Variants in THBS3 observed in about 807,000 individuals in gnomAD.
THBS3 encodes the protein thrombospondin 3.
A neutral mutation model predicts 118.3 loss-of-function variants in THBS3; 78 were observed. The ratio of observed to expected loss-of-function variants is 0.66; its 90% confidence interval spans 0.55 to 0.80. The LOEUF (loss-of-function observed/expected upper bound fraction) is 0.80. Ranked by LOEUF, THBS3 falls within the 30% of genes least tolerant of loss-of-function variation. The pLI, the probability that THBS3 is intolerant of heterozygous loss-of-function variation, is 0.00. For synonymous variants in THBS3, 427 were observed against 475.3 expected (o/e 0.90, Z 1.32); for missense variants, 1,057 against 1,247.4 (o/e 0.85, Z 2.30).
At chr1:155,207,287 G>A (rs1670694391) in intron 1 of THBS3, among the ~76,000 whole-genome samples, 1 of 152,184 alleles carries the variant, frequency 6.6e-6, no homozygotes, top group Non-Finnish European at 1.5e-5. Flanking sequence ...CCAATCTGTG[G>A]TTTTCCCTCC....
rs757853564 is a variant in THBS3, at chr1:155,202,854, AG to A, written c.914del (p.Pro305LeufsTer181). On this transcript the variant is annotated frameshift_variant, in exon 8 of 23. Coordinates refer to ENST00000368378, the MANE Select transcript of THBS3 (RefSeq NM_007112.5). LOFTEE classifies it high-confidence loss of function. This position sits in a 1 kb window ranked among gnomAD's most constrained non-coding sequence, Gnocchi z 5.5. The stretch of plus-strand genomic sequence containing the variant: ...AGTGGGTGCCGTTGCCCTGCAGGCC[AG>A]GGGGGCAGGGCCCACAGCGGTAGCC... Reference protein sequence around the residue: ...YPGYRCGPCPPGLQGNGTHCS... With the variant: ...YPGYRCGPCPXGLQGNGTHCS... The A allele has an allele frequency of 1.2e-6, 2 of 1,613,552 alleles. No homozygotes were observed. The highest frequency in any genetic ancestry group is 4.5e-5 in the East Asian group (2 of 44,886).
chr1:155,207,014 A>G (rs1042173650), intron 1 of THBS3, among the ~76,000 whole-genome samples: 1 of 152,076 alleles, frequency 6.6e-6, no homozygotes, highest in Non-Finnish European at 1.5e-5. Flanking sequence ...AGATGCCCCC[A>G]CCAGGTGGCG....
In THBS3 at chr1:155,206,345, C is replaced by T. The variant is rs1670537267; in HGVS notation, c.141G>A (p.Arg47=). 2 of 1,614,108 alleles carry T rather than the reference C, an allele frequency of 1.2e-6. No homozygotes were observed. Among genetic ancestry groups the T allele is most frequent in the Non-Finnish European group, 1.7e-6 (2 of 1,179,980 alleles). The change falls in exon 2 of 23, where the codon CGG becomes CGA. Residue 47 remains arginine, a synonymous_variant. Coordinates refer to ENST00000368378, the MANE Select transcript of THBS3 (RefSeq NM_007112.5). The surrounding 1 kb of genome is among the most constrained non-coding windows in gnomAD (Gnocchi z 4.2). ...RQMVAVAEKI[R]TALLTAGDIY... The stretch of plus-strand genomic sequence containing the variant: ...TGTCCCCAGCAGTGAGCAAGGCTGT[C>T]CGGATCTTCTCTGCCACAGCTACCA...
At position 155,202,907 on chromosome 1, in the gene THBS3, C is replaced by T; in HGVS notation, c.862G>A (p.Asp288Asn). The T allele has an allele frequency of 6.2e-7, 1 of 1,613,948 alleles. No individual in the cohort carries two copies. Among genetic ancestry groups the T allele is most frequent in the Non-Finnish European group, 8.5e-7 (1 of 1,180,038 alleles). Residue 288 changes from aspartate (D) to asparagine (N), a missense_variant, in exon 8 of 23, where the codon GAC becomes AAC. Around this residue, in one of 3 missense-constraint regions of THBS3, gnomAD observed 544 missense variants for 715.6 expected, o/e 0.76. Transcript: ENST00000368378. This position sits in a 1 kb window ranked among gnomAD's most constrained non-coding sequence, Gnocchi z 5.5. ...GGGTACTCGTACACTTCCATGCAGT[C>T]CACACCTCGGAAGCAGGGATTGGGG... is the stretch of plus-strand genomic sequence containing the variant. ...CSPNPCFRGV[D>N]CMEVYEYPGY...
chr1:155,203,161 A>T (rs370782542), intron 6 of THBS3, 24 bp from the exon 7 acceptor site: 9 of 1,614,110 alleles, frequency 5.6e-6, no homozygotes, highest in Non-Finnish European at 6.8e-6. Flanking sequence ...GGGAGGAGTC[A>T]GCACTTGACA....
intron 1 of THBS3, among the ~76,000 whole-genome samples, chr1:155,207,433 GAGCCCAGGGGGACGA>G (rs1157187156): frequency 6.6e-6 from 1 of 152,008 alleles, no homozygotes; most frequent in Non-Finnish European, 1.5e-5. Context: ...GGGCAGCCAG[GAGCCCAGGGGGACGA>G]AGCCCAGGGA....
At position 155,202,455 on chromosome 1, in the gene THBS3, C is replaced by G; in HGVS notation, c.958-54G>C. On this transcript the variant is annotated intron_variant, in intron 8 of 22. Coordinates refer to ENST00000368378, the MANE Select transcript of THBS3 (RefSeq NM_007112.5). This position sits in a 1 kb window ranked among gnomAD's most constrained non-coding sequence, Gnocchi z 5.5. ...AGGCCGCCCTCTGGGAAACTCAGGT[C>G]CCTGCCTGTGATCCAGGAACCATTG... 1.3e-6 allele frequency: 2 copies of G among 1,595,706 alleles called. No homozygotes were observed. The highest frequency in any genetic ancestry group is 2.3e-5 in the South Asian group (2 of 88,512).
rs1669622229 is a variant in THBS3 at position 155,201,017 on chromosome 1, G to A, written c.1441-13C>T. On this transcript the variant is annotated splice_polypyrimidine_tract_variant and intron_variant, in intron 12 of 22. Coordinates refer to ENST00000368378, the MANE Select transcript of THBS3 (RefSeq NM_007112.5). ...AAAGGCAGTTGTCCTAAAGTTCAGG[G>A]GAAGAGGATGGATGAGTTCTGGCCT... 5 of 1,614,216 alleles carry A rather than the reference G, an allele frequency of 3.1e-6. No individual in the cohort carries two copies. Among genetic ancestry groups the A allele is most frequent in the Non-Finnish European group, 4.2e-6 (5 of 1,180,040 alleles).
intron 1 of THBS3, among the ~76,000 whole-genome samples, chr1:155,207,172 G>T (rs1464149189): frequency 6.6e-6 from 1 of 152,174 alleles, no homozygotes; most frequent in African/African-American, 2.4e-5. Flanking sequence ...CAGCACACTC[G>T]CTCTGGATAA....
At chr1:155,207,439 AG>A in intron 1 of THBS3, among the ~76,000 whole-genome samples, 2 of 144,980 alleles carry the variant, frequency 1.4e-5, no homozygotes, top group East Asian at 4.0e-4. Context: ...CCAGGAGCCC[AG>A]GGGGACGAAG....
chr1:155,209,145 C>T, upstream of THBS3: 1 of 1,527,790 alleles, frequency 6.5e-7, no homozygotes, highest in Non-Finnish European at 8.8e-7. Flanking sequence ...GGGATCTCCC[C>T]AGGCCCCCTG....
At position 155,200,915 on chromosome 1, in the gene THBS3, A is replaced by C; in HGVS notation, c.1530T>G (p.Asp510Glu). 1 of 1,614,076 alleles carries C rather than the reference A, an allele frequency of 6.2e-7. No homozygotes were observed. Among genetic ancestry groups the C allele is most frequent in the Non-Finnish European group, 8.5e-7 (1 of 1,180,014 alleles). ...GDQCDDDADG[D>E]GIKNVEDNCR... ...GAGTCACCTCAACATTCTTGATCCC[A>C]TCCCCATCAGCATCATCATCACACT... is the stretch of plus-strand genomic sequence containing the variant. Residue 510 changes from aspartate (D) to glutamate (E), a missense_variant, in exon 13 of 23, where the codon GAT (aspartate) becomes GAG (glutamate). Coordinates refer to ENST00000368378, the MANE Select transcript of THBS3 (RefSeq NM_007112.5).
rs1670534644 is a variant in THBS3, at chr1:155,206,317, A to G, written c.169T>C (p.Tyr57His). 1 of 1,614,186 alleles carries G rather than the reference A, an allele frequency of 6.2e-7. No homozygotes were observed. Among genetic ancestry groups the G allele is most frequent in the Non-Finnish European group, 8.5e-7 (1 of 1,180,020 alleles). The change falls in exon 2 of 23, where the codon TAC (tyrosine) becomes CAC (histidine). Residue 57 changes from tyrosine to histidine, a missense_variant. Coordinates refer to ENST00000368378, the MANE Select transcript of THBS3 (RefSeq NM_007112.5). This position sits in a 1 kb window ranked among gnomAD's most constrained non-coding sequence, Gnocchi z 4.2. Reference protein sequence around the residue: ...RTALLTAGDIYLLSTFRLPPK... With the variant: ...RTALLTAGDIHLLSTFRLPPK... ...GGCAGGCGGAAGGTGGATAAGAGGT[A>G]GATGTCCCCAGCAGTGAGCAAGGCT...
Position 155,197,583 on chromosome 1 carries a change from G to A in THBS3, c.2379C>T (p.Gly793=). The A allele has an allele frequency of 6.2e-7, 1 of 1,613,560 alleles. No homozygotes were observed. The change falls in exon 20 of 23, where the codon GGC becomes GGT. Residue 793 remains glycine (G), a synonymous_variant. Coordinates refer to ENST00000368378, the MANE Select transcript of THBS3 (RefSeq NM_007112.5). This position sits in a 1 kb window ranked among gnomAD's most constrained non-coding sequence, Gnocchi z 5.0. ...VNTVTDDDYA[G]FLFSYQDSGR... ...CACTGTCTTGATAACTGAAGAGAAA[G>A]CCTGCGTAGTCATCATCAGTCACTG...
In THBS3 at chr1:155,197,675, G is replaced by GC; in HGVS notation, c.2303-17_2303-16insG. ...GCCGTGTATCCTGGGGTGGGGGTGG[G>GC]ATAAAGGTCAGGGGCAGCAAAGCTA... On this transcript the variant is annotated splice_polypyrimidine_tract_variant and intron_variant, in intron 19 of 22. Transcript: ENST00000368378. The surrounding 1 kb of genome is among the most constrained non-coding windows in gnomAD (Gnocchi z 5.0). The GC allele has an allele frequency of 3.6e-6, 3 of 831,656 alleles. No homozygotes were observed. Among genetic ancestry groups the GC allele is most frequent in the Non-Finnish European group, 3.9e-6 (2 of 512,724 alleles). The allele number at this position is 831,656 out of a possible 1,614,324, so 51.5% of individuals were successfully genotyped here.
intron 21 of THBS3, chr1:155,196,384 T>A: frequency 1.9e-6 from 1 of 539,180 alleles, no homozygotes; most frequent in Non-Finnish European, 3.3e-6. Flanking sequence ...TGGGTTGCCA[T>A]GACAATAAGC....
intron 4 of THBS3, among the ~76,000 whole-genome samples, chr1:155,204,232 G>C (rs1214757450): frequency 1.3e-5 from 2 of 152,176 alleles, no homozygotes; most frequent in African/African-American, 2.4e-5. Context: ...CTGTCAGAGA[G>C]ACCAGGCAGA....
Position 155,203,070 on chromosome 1 carries a change from C to CT in THBS3, c.808+15dup. 1 of 1,614,202 alleles carries CT rather than the reference C, an allele frequency of 6.2e-7. No homozygotes were observed. Among genetic ancestry groups the CT allele is most frequent in the Admixed American group, 1.7e-5 (1 of 60,022 alleles). On this transcript the variant is annotated intron_variant, in intron 7 of 22. Transcript: ENST00000368378. The stretch of plus-strand genomic sequence containing the variant: ...GTGGCACGGTCATGTGGAGCCTCCC[C>CT]TGCTCTCCCACTCACCGCACACCTG...
In THBS3 at chr1:155,203,008, CA is replaced by C. The variant is rs1198712163; in HGVS notation, c.809-49del. 11 of 1,613,742 alleles carry C rather than the reference CA, an allele frequency of 6.8e-6. No homozygotes were observed. In the South Asian group the frequency reaches 1.1e-4, roughly 16 times the overall value. The stretch of plus-strand genomic sequence containing the variant: ...GCTACCCGGTGGTCACTATTTAAGC[CA>C]CCAGAAGGGAAAGCCAAAGCCATTG... On this transcript the variant is annotated intron_variant, in intron 7 of 22. Coordinates refer to ENST00000368378, the MANE Select transcript of THBS3 (RefSeq NM_007112.5).
Sources: allele counts gnomAD v4.1 joint callset (sites outside exome capture counted in the v4.1 genomes callset), GRCh38; gene constraint gnomAD v4.1.1; regional missense constraint gnomAD v4.1.1; non-coding constraint Gnocchi (gnomAD v3.1); transcripts MANE v1.5; gene names NCBI Gene and HGNC (gene_info 2026-07-23, HGNC 2026-07-21).